Variants in IL27RA observed in about 807,000 individuals in gnomAD.
The protein encoded by IL27RA is interleukin-27 receptor subunit alpha.
A neutral mutation model predicts 80.8 loss-of-function variants in IL27RA; 61 were observed. That is an observed-to-expected ratio of 0.76 (90% CI 0.61 to 0.93). IL27RA has a LOEUF of 0.93. Among genes scored for constraint, IL27RA ranks in the 40% least tolerant of loss-of-function variants. IL27RA has a pLI of 0.00. For synonymous variants in IL27RA, 316 were observed against 332.5 expected, an observed-to-expected ratio of 0.95 and a Z score of 0.54; for missense variants, 735 against 808.1, an observed-to-expected ratio of 0.91 and a Z score of 1.10.
At chr19:14,036,305 C>G (rs1975897248) in intron 2 of IL27RA, among the ~76,000 whole-genome samples, 1 of 151,920 alleles carries the variant, frequency 6.6e-6, no homozygotes, top group Admixed American at 6.6e-5. Context: ...ATTTTGTACT[C>G]TTTGGCCATC....
chr19:14,035,472 T>C (rs949611100), intron 2 of IL27RA, among the ~76,000 whole-genome samples: 45 of 152,198 alleles, frequency 3.0e-4, no homozygotes, highest in African/African-American at 1.0e-3. Context: ...CTCGGCTCAC[T>C]GCAACCTCCG....
chr19:14,032,634 C>CAAAAA (rs766574764), intron 2 of IL27RA, 131 bp downstream of exon 2: 3 of 93,682 alleles, frequency 3.2e-5, no homozygotes, highest in Admixed American at 1.6e-4. Context: ...ACTAAAAATA[C>CAAAAA]AAAAAAAAAA....
In IL27RA at chr19:14,046,432, T is replaced by G. The variant is rs754775964; in HGVS notation, c.955T>G (p.Ser319Ala). ...LTNLSLVCLD[S>A]ASAPRSVAVS... is the part of the protein sequence containing the mutation. ...TGAGACTTCTCTCCACCCTCCAGAT[T>G]CAGCCTCTGCCCCCCGTAGCGTGGC... Residue 319 changes from serine (S) to alanine (A), a missense_variant and splice_region_variant, in exon 8 of 14, where the codon TCA becomes GCA. Coordinates refer to ENST00000263379, the MANE Select transcript of IL27RA (RefSeq NM_004843.4). 1.9e-6 allele frequency: 3 copies of G among 1,614,108 alleles called. No individual in the cohort carries two copies. The South Asian group carries it at 3.3e-5, about 18-fold the overall frequency.
intron 6 of IL27RA, among the ~76,000 whole-genome samples, chr19:14,043,256 G>A (rs1386526431): frequency 6.6e-6 from 1 of 152,086 alleles, no homozygotes; most frequent in Non-Finnish European, 1.5e-5. Flanking sequence ...GTCAGCACAG[G>A]GTGGGGCATG....
intron 4 of IL27RA, among the ~76,000 whole-genome samples, chr19:14,041,369 T>C (rs1451405358): frequency 6.6e-6 from 1 of 151,572 alleles, no homozygotes; most frequent in Non-Finnish European, 1.5e-5. Context: ...AGCTAAGTTT[T>C]TGTATTTTTT....
chr19:14,044,958 C>G (rs1259365393), intron 6 of IL27RA, among the ~76,000 whole-genome samples: 7 of 151,352 alleles, frequency 4.6e-5, no homozygotes, highest in African/African-American at 1.7e-4. Flanking sequence ...ACCCCCATCT[C>G]TACTAAAAAT....
intron 2 of IL27RA, among the ~76,000 whole-genome samples, chr19:14,037,825 T>TCTCG (rs1555764852): frequency 1.5e-5 from 2 of 133,650 alleles, no homozygotes; most frequent in East Asian, 5.2e-4. Flanking sequence ...ACCCTCTCGC[T>TCTCG]CTCTCTCTCT....
rs746755376 is a variant in IL27RA at position 14,049,182 on chromosome 19, C to T, written c.1270C>T (p.Arg424Ter). ...LAPLVGPTLW[R>*]LQDAPPGTPA... ...ACCCCTAGTGGGGCCAACGCTTTGG[C>T]GACTCCAAGATGCCCCTCCAGGGAC... Residue 424 changes from arginine (R) to a stop codon, truncating the protein, a stop_gained, in exon 10 of 14, where the codon CGA becomes TGA. Transcript: ENST00000263379. LOFTEE classifies it high-confidence loss of function. The T allele has an allele frequency of 5.0e-6, 8 of 1,613,852 alleles. No individual in the cohort carries two copies. The highest frequency in any genetic ancestry group is 1.6e-4 in the Middle Eastern group (1 of 6,084).
At position 14,049,012 on chromosome 19, in the gene IL27RA, C is replaced by T. The variant is rs1195860398; in HGVS notation, c.1173C>T (p.Ile391=). The part of the protein sequence containing the change: ...GNFTVGVPYR[I]TVTAVSASGL... ...TCACTGTCGGGGTCCCCTATCGAAT[C>T]ACTGTGACCGCAGTCTCTGCTTCAG... Residue 391 remains isoleucine, a synonymous_variant, in exon 9 of 14, where the codon ATC becomes ATT. Coordinates refer to ENST00000263379, the MANE Select transcript of IL27RA (RefSeq NM_004843.4). 1.2e-6 allele frequency: 2 copies of T among 1,613,938 alleles called. No homozygotes were observed. Among genetic ancestry groups the T allele is most frequent in the Non-Finnish European group, 1.7e-6 (2 of 1,179,968 alleles).
chr19:14,036,152 GTAAA>G lies in IL27RA; in HGVS notation c.219-3344_219-3341del, dbSNP rs560986150. ...GAAAAAAGTAAGAATAATTTTAAAA[GTAAA>G]TAAATAAATAATTTTTTTGGTAGAG... On this transcript the variant is annotated intron_variant, in intron 2 of 13. Transcript: ENST00000263379. Among the ~76,000 whole-genome samples, 7 of 151,750 alleles carry G rather than the reference GTAAA, an allele frequency of 4.6e-5. No homozygotes were observed. In the South Asian group the frequency reaches 6.2e-4, roughly 14 times the overall value.
chr19:14,039,770 C>A lies in IL27RA; in HGVS notation c.394C>A (p.Arg132=). The A allele has an allele frequency of 6.2e-7, 1 of 1,613,966 alleles. No individual in the cohort carries two copies. Residue 132 remains arginine (R), a synonymous_variant, in exon 4 of 14, where the codon CGG becomes AGG. Transcript: ENST00000263379. ...LETQMKPNAP[R]LGPDVDFSED... is the part of the protein sequence containing the mutation. Reference sequence around the variant, plus strand: ...TTCCCCAGTGAAGCCAAACGCCCCCCGGCTGGGCCCTGACGTGGACTTTTC... The same window carrying A: ...TTCCCCAGTGAAGCCAAACGCCCCCAGGCTGGGCCCTGACGTGGACTTTTC...
chr19:14,047,529 T>G (rs1443410250), intron 8 of IL27RA, among the ~76,000 whole-genome samples: 5 of 150,978 alleles, frequency 3.3e-5, no homozygotes, highest in African/African-American at 4.9e-5. Context: ...GCTAATTTTT[T>G]TATTTTTAGT....
chr19:14,049,771 A>G (rs963916477), intron 10 of IL27RA, among the ~76,000 whole-genome samples: 8 of 151,716 alleles, frequency 5.3e-5, no homozygotes, highest in Admixed American at 4.6e-4. Context: ...TAGTAGAGAC[A>G]GTTTCACCAT....
At chr19:14,040,106 G>A (rs563264147) in intron 4 of IL27RA, among the ~76,000 whole-genome samples, 196 bp downstream of exon 4, 21 of 152,246 alleles carry the variant, frequency 1.4e-4, no homozygotes, top group African/African-American at 5.1e-4. Context: ...GTTCACGCCT[G>A]TAATCCCAGC....
At chr19:14,048,909 G>C (rs1976111141) in intron 8 of IL27RA, 72 bp from the exon 9 acceptor site, 1 of 1,329,394 alleles carries the variant, frequency 7.5e-7, no homozygotes, top group South Asian at 1.2e-5. Flanking sequence ...GGGGACCCCA[G>C]TGAAGACACC....
intron 6 of IL27RA, among the ~76,000 whole-genome samples, chr19:14,043,378 C>G (rs987164201): frequency 6.6e-6 from 1 of 152,004 alleles, no homozygotes; most frequent in South Asian, 2.1e-4. Flanking sequence ...GAGACTGGAG[C>G]TCAGCTCCAG....
intron 4 of IL27RA, among the ~76,000 whole-genome samples, chr19:14,040,471 G>A (rs372724517): frequency 8.3e-4 from 126 of 152,136 alleles, no homozygotes; most frequent in African/African-American, 3.0e-3. Flanking sequence ...GATTGTTTGA[G>A]GTCAAGAGTT....
chr19:14,040,824 C>T (rs186388456), intron 4 of IL27RA, among the ~76,000 whole-genome samples: 6 of 150,266 alleles, frequency 4.0e-5, no homozygotes, highest in Admixed American at 2.7e-4. Flanking sequence ...AGCAAGACTC[C>T]GTCTCAAAAA....
intron 10 of IL27RA, 89 bp downstream of exon 10, chr19:14,049,403 C>A: frequency 7.2e-7 from 1 of 1,381,758 alleles, no homozygotes; most frequent in Admixed American, 2.2e-5. Context: ...ACGTGGGCCT[C>A]TTTGGCCCAG....
Sources: allele counts gnomAD v4.1 joint callset (sites outside exome capture counted in the v4.1 genomes callset), GRCh38; gene constraint gnomAD v4.1.1; transcripts MANE v1.5; gene names NCBI Gene and HGNC (gene_info 2026-07-23, HGNC 2026-07-21).